The following SHISA6 variants were observed in gnomAD, a reference collection of about 807,000 sequenced individuals.
SHISA6 encodes the protein shisa family member 6, also known as protein shisa-6.
SHISA6 carries 22 observed loss-of-function variants against 47.9 expected under a neutral mutation model. The ratio of observed to expected loss-of-function variants is 0.46; its 90% CI spans 0.33 to 0.66. SHISA6 has a LOEUF of 0.66. Ranked by LOEUF, SHISA6 falls within the 30% of genes least tolerant of loss-of-function variation. The pLI is 0.02. For synonymous variants in SHISA6, 388 were observed against 337.8 expected (o/e 1.15, Z -1.63); for missense variants, 680 against 764.6 (o/e 0.89, Z 1.30).
At chr17:11,458,948 G>A (rs1263331553) in intron 3 of SHISA6, among the ~76,000 whole-genome samples, 3 of 152,104 alleles carry the variant, frequency 2.0e-5, no homozygotes, top group African/African-American at 7.2e-5. Flanking sequence ...GCTCACGCCT[G>A]TAATCCCAGC....
At chr17:11,545,911 C>T (rs898813326) in intron 3 of SHISA6, among the ~76,000 whole-genome samples, 10 of 152,202 alleles carry the variant, frequency 6.6e-5, no homozygotes, top group African/African-American at 1.9e-4. Context: ...AGGTGAAAGT[C>T]GTAACACTTT....
intron 3 of SHISA6, among the ~76,000 whole-genome samples, chr17:11,439,588 G>A (rs1513747): frequency 0.46 from 70,015 of 151,984 alleles, 18,256 homozygotes; most frequent in African/African-American, 0.72. Context: ...AACTGACACC[G>A]TTACTCAAGT....
chr17:11,516,332 T>C (rs1174206856), intron 3 of SHISA6, among the ~76,000 whole-genome samples: 6 of 152,212 alleles, frequency 3.9e-5, no homozygotes, highest in African/African-American at 9.6e-5. Flanking sequence ...AGTCATCAGA[T>C]CTTCCATTGA....
At position 11,431,073 on chromosome 17, in the gene SHISA6, T is replaced by C. The variant is rs189437991; in HGVS notation, c.895+51564T>C. On this transcript the variant is annotated intron_variant, in intron 3 of 5. Transcript: ENST00000441885. ...GATAATCTGGGGAGGGACTGAAGCA[T>C]AGATTATGATGCCACCTGGCATGAG... Among the ~76,000 whole-genome samples the C allele has an allele frequency of 7.9e-5, 12 of 152,248 alleles. No homozygotes were observed. The East Asian group carries it at 2.1e-3, about 27-fold the overall frequency.
At chr17:11,294,594 C>A (rs182720677) in intron 2 of SHISA6, among the ~76,000 whole-genome samples, 95 of 152,204 alleles carry the variant, frequency 6.2e-4, no homozygotes, top group African/African-American at 2.2e-3. Flanking sequence ...ATATTTTTTT[C>A]ATAGCTTTAT....
At chr17:11,324,055 C>A (rs751202157) in intron 2 of SHISA6, among the ~76,000 whole-genome samples, 8 of 152,126 alleles carry the variant, frequency 5.3e-5, no homozygotes, top group Non-Finnish European at 1.2e-4. Flanking sequence ...GGTATATGCA[C>A]CCCTATTTCA....
intron 2 of SHISA6, among the ~76,000 whole-genome samples, chr17:11,302,782 C>T (rs1183526635): frequency 1.3e-5 from 2 of 151,684 alleles, no homozygotes; most frequent in East Asian, 3.9e-4. Context: ...AGGGTTGCAG[C>T]TCTCAGCAAC....
intron 2 of SHISA6, among the ~76,000 whole-genome samples, chr17:11,371,754 C>T (rs1263508101): frequency 6.6e-6 from 1 of 151,720 alleles, no homozygotes; most frequent in Non-Finnish European, 1.5e-5. Flanking sequence ...AAAAAATGGC[C>T]CATGAGCCCA....
chr17:11,300,367 T>G (rs565976923), intron 2 of SHISA6, among the ~76,000 whole-genome samples: 1 of 152,322 alleles, frequency 6.6e-6, no homozygotes, highest in South Asian at 2.1e-4. Flanking sequence ...GCCACTGCCC[T>G]TCTCTTCGTG....
At chr17:11,345,276 A>G (rs1392354664) in intron 2 of SHISA6, among the ~76,000 whole-genome samples, 1 of 151,450 alleles carries the variant, frequency 6.6e-6, no homozygotes, top group Non-Finnish European at 1.5e-5. Flanking sequence ...TATCTCCTCA[A>G]CATAACAATT....
chr17:11,501,128 T>TTC (rs2071449271), intron 3 of SHISA6, among the ~76,000 whole-genome samples: 1 of 152,040 alleles, frequency 6.6e-6, no homozygotes, highest in South Asian at 2.1e-4. Flanking sequence ...TTTTTTTTTT[T>TTC]TGAGATGGAG....
intron 3 of SHISA6, among the ~76,000 whole-genome samples, chr17:11,387,996 C>A (rs559121424): frequency 6.6e-6 from 1 of 152,102 alleles, no homozygotes; most frequent in Non-Finnish European, 1.5e-5. Flanking sequence ...GGCCTTTTCT[C>A]CTAGGAAGAA....
At chr17:11,417,598 C>T (rs1914320265) in intron 3 of SHISA6, among the ~76,000 whole-genome samples, 1 of 152,188 alleles carries the variant, frequency 6.6e-6, no homozygotes. Flanking sequence ...AAGATGCAGC[C>T]TTCTGATGCA....
At chr17:11,404,360 G>A (rs1248929442) in intron 3 of SHISA6, among the ~76,000 whole-genome samples, 1 of 152,176 alleles carries the variant, frequency 6.6e-6, no homozygotes, top group Non-Finnish European at 1.5e-5. Context: ...CTGAAGACTG[G>A]AGTGAGGGGG....
chr17:11,456,142 T>C (rs561688457), intron 3 of SHISA6, among the ~76,000 whole-genome samples: 12 of 152,206 alleles, frequency 7.9e-5, no homozygotes, highest in African/African-American at 2.9e-4. Flanking sequence ...GCAGGAGGCA[T>C]TTACTAAATG....
intron 3 of SHISA6, among the ~76,000 whole-genome samples, chr17:11,429,353 C>A (rs1318026562): frequency 2.0e-5 from 3 of 152,098 alleles, no homozygotes; most frequent in Non-Finnish European, 4.4e-5. Context: ...TTGCAAGTCA[C>A]AAGGTACATT....
intron 1 of SHISA6, among the ~76,000 whole-genome samples, chr17:11,261,730 A>G (rs1289504653): frequency 6.6e-6 from 1 of 152,208 alleles, no homozygotes; most frequent in Non-Finnish European, 1.5e-5. Context: ...TTTGGGTTGT[A>G]TCTACCCTTT....
At chr17:11,479,035 T>G (rs1208711948) in intron 3 of SHISA6, among the ~76,000 whole-genome samples, 1 of 152,172 alleles carries the variant, frequency 6.6e-6, no homozygotes, top group Non-Finnish European at 1.5e-5. Flanking sequence ...CAAGGTAATT[T>G]ACAGATTCAA....
intron 2 of SHISA6, among the ~76,000 whole-genome samples, chr17:11,342,788 A>G (rs959571167): frequency 6.6e-6 from 1 of 152,210 alleles, no homozygotes; most frequent in Non-Finnish European, 1.5e-5. Context: ...AAGAAGTTCA[A>G]CTTGTCAGAA....
Sources: allele counts gnomAD v4.1 joint callset (sites outside exome capture counted in the v4.1 genomes callset), GRCh38; gene constraint gnomAD v4.1.1; transcripts MANE v1.5; gene names NCBI Gene and HGNC (gene_info 2026-07-23, HGNC 2026-07-21).